FHIT: variants seen among roughly 807,000 people sequenced by gnomAD.
The protein encoded by FHIT is bis(5'-adenosyl)-triphosphatase.
In FHIT, 19 loss-of-function variants were observed where a neutral mutation model predicts 17.9. The ratio of observed to expected loss-of-function variants is 1.06; its 90% CI spans 0.74 to 1.56. The LOEUF (loss-of-function observed/expected upper bound fraction) is 1.56. Ranked by LOEUF, FHIT falls within the 40% of genes most tolerant of loss-of-function variation. The pLI, the probability that FHIT is intolerant of heterozygous loss-of-function variation, is 0.00. For synonymous variants in FHIT, 81 were observed against 69.7 expected, an observed-to-expected ratio of 1.16 and a Z score of -0.81; for missense variants, 248 against 189.2, an observed-to-expected ratio of 1.31 and a Z score of -1.82.
chr3:60,373,110 C>T (rs1194927169), intron 5 of FHIT, among the ~76,000 whole-genome samples: 3 of 152,264 alleles, frequency 2.0e-5, no homozygotes, highest in South Asian at 4.1e-4. Flanking sequence ...GATGTTAACA[C>T]TGAGACCCTA....
chr3:60,483,071 A>C (rs542995877), intron 5 of FHIT, among the ~76,000 whole-genome samples: 1 of 152,200 alleles, frequency 6.6e-6, no homozygotes, highest in Non-Finnish European at 1.5e-5. Context: ...ACAAACTAGA[A>C]AATCTAGAAG....
At chr3:61,124,280 C>T (rs998923900) in intron 2 of FHIT, among the ~76,000 whole-genome samples, 5 of 152,112 alleles carry the variant, frequency 3.3e-5, no homozygotes, top group African/African-American at 1.2e-4. Flanking sequence ...AGCCAAAACT[C>T]TCTGTGGTGT....
Position 60,002,209 on chromosome 3 carries a change from G to T in FHIT, c.279+9162C>A, listed in dbSNP as rs1170624498. Among the ~76,000 whole-genome samples, 3 of 152,036 alleles carry T rather than the reference G, an allele frequency of 2.0e-5. No homozygotes were observed. The East Asian group carries it at 5.8e-4, about 29-fold the overall frequency. On this transcript the variant is annotated intron_variant, in intron 7 of 9. Coordinates refer to ENST00000492590, the MANE Select transcript of FHIT (RefSeq NM_002012.4). Reference sequence around the variant, plus strand: ...AGAATAAACTACCAGGGAAAGAAATGGAAGTTTTCATTACTGGAATCCAAT... The same window carrying T: ...AGAATAAACTACCAGGGAAAGAAATTGAAGTTTTCATTACTGGAATCCAAT...
intron 7 of FHIT, among the ~76,000 whole-genome samples, chr3:59,928,994 CAAAAAAAAAAA>C (rs56107626): frequency 1.5e-4 from 5 of 33,122 alleles, no homozygotes; most frequent in Non-Finnish European, 2.0e-4. Flanking sequence ...GACTTCATCT[CAAAAAAAAAAA>C]AAAAAAAAAA....
rs1336572305 is a variant in FHIT, at chr3:60,441,757, A to ATAT, written c.103+95102_103+95103insATA. ...ATATATATATATTTATATATATAAA[A>ATAT]ATATATATATATTTATATGTATAAA... On this transcript the variant is annotated intron_variant, in intron 5 of 9. Transcript: ENST00000492590. 1.8e-4 allele frequency among the ~76,000 whole-genome samples: 10 copies of ATAT among 55,944 alleles called. 1 individual carries two copies. In the South Asian group the frequency reaches 3.4e-3, roughly 19 times the overall value. 36.7% of individuals were successfully genotyped at this position (55,944 alleles called of 152,430 possible).
intron 5 of FHIT, among the ~76,000 whole-genome samples, chr3:60,345,158 C>G (rs762213629): frequency 6.6e-6 from 1 of 151,930 alleles, no homozygotes. Context: ...TAAGTGTGTA[C>G]AACAGAGATG....
chr3:60,747,038 G>C (rs1393475495), intron 4 of FHIT, among the ~76,000 whole-genome samples: 4 of 151,396 alleles, frequency 2.6e-5, no homozygotes, highest in Non-Finnish European at 2.9e-5. Flanking sequence ...AACCCTTCAT[G>C]ATTCAGCCTT....
chr3:59,998,430 A>G (rs1285240090), intron 7 of FHIT, among the ~76,000 whole-genome samples: 2 of 152,176 alleles, frequency 1.3e-5, no homozygotes, highest in Non-Finnish European at 2.9e-5. Flanking sequence ...GGAAAAGCCT[A>G]GAAAAGGCAG....
intron 7 of FHIT, among the ~76,000 whole-genome samples, chr3:59,963,291 TAAAAG>T (rs145345316): frequency 0.099 from 15,005 of 151,642 alleles, 912 homozygotes; most frequent in Admixed American, 0.14. Context: ...ATAATAATAA[TAAAAG>T]AAAAGAAAAA....
intron 5 of FHIT, among the ~76,000 whole-genome samples, chr3:60,055,548 C>T (rs1017640859): frequency 1.3e-5 from 2 of 151,596 alleles, no homozygotes; most frequent in Non-Finnish European, 2.9e-5. Context: ...TGCTTTAGCA[C>T]TTGCACCAAG....
intron 5 of FHIT, among the ~76,000 whole-genome samples, chr3:60,136,244 A>T (rs1699813067): frequency 1.3e-5 from 2 of 152,164 alleles, no homozygotes; most frequent in Admixed American, 6.5e-5. Flanking sequence ...TGGAGAGCTC[A>T]ATGTCAAGGT....
At chr3:60,491,807 A>T (rs1277099221) in intron 5 of FHIT, among the ~76,000 whole-genome samples, 1 of 152,118 alleles carries the variant, frequency 6.6e-6, no homozygotes, top group Non-Finnish European at 1.5e-5. Context: ...TTTTGTCTTT[A>T]TGTTGTTATT....
chr3:59,834,042 T>C (rs957657116), intron 8 of FHIT, among the ~76,000 whole-genome samples: 9 of 152,204 alleles, frequency 5.9e-5, no homozygotes, highest in Non-Finnish European at 8.8e-5. Context: ...CATAATTCTT[T>C]ATAGCAGTGT....
At chr3:61,192,259 T>C (rs1348289855) in intron 2 of FHIT, among the ~76,000 whole-genome samples, 3 of 152,230 alleles carry the variant, frequency 2.0e-5, no homozygotes, top group African/African-American at 7.2e-5. Flanking sequence ...TTCCCTGAGA[T>C]AATTCATTTC....
Position 60,795,370 on chromosome 3 carries a change from T to C in FHIT, c.-18+26549A>G, listed in dbSNP as rs868960404. On this transcript the variant is annotated intron_variant, in intron 4 of 9. Coordinates refer to ENST00000492590, the MANE Select transcript of FHIT (RefSeq NM_002012.4). ...GATGTTATTAAAGTTCTCTTTCCTG[T>C]TGAATATGTTTGGGTAACTTATTTA... 2.0e-5 allele frequency among the ~76,000 whole-genome samples: 3 copies of C among 152,240 alleles called. No homozygotes were observed. The South Asian group carries it at 6.2e-4, about 31-fold the overall frequency.
chr3:61,097,294 G>A (rs921190456), intron 2 of FHIT, among the ~76,000 whole-genome samples: 4 of 152,076 alleles, frequency 2.6e-5, no homozygotes, highest in African/African-American at 7.2e-5. Flanking sequence ...GCAAGGCATC[G>A]CCTCACCCGG....
intron 4 of FHIT, among the ~76,000 whole-genome samples, chr3:60,541,813 T>C (rs539476522): frequency 3.0e-4 from 46 of 152,320 alleles, no homozygotes; most frequent in African/African-American, 1.0e-3. Flanking sequence ...GGATCTAACA[T>C]TGCCAGAAGA....
intron 3 of FHIT, among the ~76,000 whole-genome samples, chr3:61,017,510 T>C (rs1479339721): frequency 1.3e-5 from 2 of 152,136 alleles, no homozygotes; most frequent in Non-Finnish European, 2.9e-5. Flanking sequence ...TCAGGACAAT[T>C]TTGTTTTTCC....
intron 2 of FHIT, among the ~76,000 whole-genome samples, chr3:61,082,701 G>C (rs7433800): frequency 6.6e-6 from 1 of 152,146 alleles, no homozygotes; most frequent in South Asian, 2.1e-4. Flanking sequence ...CCAACACTTA[G>C]TATTATCAAT....
Sources: gnomAD v4.1 joint callset for allele counts (sites outside exome capture counted in the v4.1 genomes callset) on GRCh38, gnomAD v4.1.1 for gene constraint, MANE v1.5 for transcripts, NCBI Gene and HGNC (gene_info 2026-07-23, HGNC 2026-07-21) for gene names.